CHST15: variants seen among roughly 807,000 people sequenced by gnomAD.
The protein encoded by CHST15 is carbohydrate sulfotransferase 15.
A neutral mutation model predicts 53.6 loss-of-function variants in CHST15; 30 were observed. The observed-to-expected ratio is 0.56, with a 90% confidence interval of 0.42 to 0.76. The LOEUF is 0.76. CHST15 is among the 30% of genes least tolerant of loss of function. The probability of loss-of-function intolerance (pLI) is 0.00; values close to 1 mark genes in which losing one functional copy is unlikely to be tolerated. For missense variants in CHST15, 627 were observed against 740.5 expected (o/e 0.85, Z 1.78); for synonymous variants, 296 against 289.8 (o/e 1.02, Z -0.22).
At chr10:124,016,038 G>A (rs1042331447) in intron 6 of CHST15, among the ~76,000 whole-genome samples, 7 of 152,188 alleles carry the variant, frequency 4.6e-5, no homozygotes, top group Non-Finnish European at 8.8e-5. Flanking sequence ...CTGGCAGAGC[G>A]TTTGCATTTC....
In CHST15 at chr10:124,037,754, GCA is replaced by G; in HGVS notation, c.1190+759_1190+760del. The stretch of plus-strand genomic sequence containing the variant: ...TCTTAAAGCAAAGCTGCTCTGCTCA[GCA>G]TTGTTCTTCCTTTTGGTCTCTCAAG... On this transcript the variant is annotated intron_variant, in intron 5 of 7. Coordinates refer to ENST00000435907, the MANE Select transcript of CHST15 (RefSeq NM_001270764.2). Among the ~76,000 whole-genome samples the G allele has an allele frequency of 1.3e-5, 2 of 151,890 alleles. 1 individual carries two copies. The highest frequency in any genetic ancestry group is 4.1e-4 in the South Asian group (2 of 4,828).
chr10:124,059,743 C>T (rs1948498385), intron 1 of CHST15, among the ~76,000 whole-genome samples: 1 of 152,214 alleles, frequency 6.6e-6, no homozygotes, highest in South Asian at 2.1e-4. Context: ...CAGCTGCACA[C>T]TCCCCACCAG....
rs1039882535 is a variant in CHST15 at position 124,007,849 on chromosome 10, T to C, written c.*2300A>G. On this transcript the variant is annotated 3_prime_UTR_variant, in exon 8 of 8. Transcript: ENST00000435907. Reference sequence around the variant, plus strand: ...AGAACAAAAAGGAACTTCAATACCATGTTGTGAGAAATGCTCCAATTTGCT... The same window carrying C: ...AGAACAAAAAGGAACTTCAATACCACGTTGTGAGAAATGCTCCAATTTGCT... 1.2e-5 allele frequency: 15 copies of C among 1,231,928 alleles called. No individual in the cohort carries two copies. The African/African-American group carries it at 1.9e-4, about 15-fold the overall frequency. The allele number at this position is 1,231,928 out of a possible 1,614,324, so 76.3% of individuals were successfully genotyped here. A position where few individuals can be genotyped will look rare whatever the true frequency, so the allele number is the denominator to read the frequency against.
intron 1 of CHST15, among the ~76,000 whole-genome samples, chr10:124,073,864 G>A (rs1046399501): frequency 1.3e-5 from 2 of 152,098 alleles, no homozygotes; most frequent in African/African-American, 2.4e-5. Context: ...TCAGTCAGAC[G>A]GCTAATGACC....
intron 3 of CHST15, among the ~76,000 whole-genome samples, chr10:124,044,204 G>A (rs1947866660): frequency 1.3e-5 from 2 of 152,146 alleles, no homozygotes; most frequent in African/African-American, 4.8e-5. Context: ...CACAGAGCTG[G>A]GAGCGGCACA....
intron 1 of CHST15, among the ~76,000 whole-genome samples, chr10:124,080,134 G>A (rs574749495): frequency 5.3e-5 from 8 of 152,266 alleles, no homozygotes; most frequent in South Asian, 2.1e-4. Context: ...AGCGAGCATC[G>A]GACAGGTGTT....
At chr10:124,057,832 C>G (rs7913141) in intron 1 of CHST15, among the ~76,000 whole-genome samples, 109,999 of 151,948 alleles carry the variant, frequency 0.72, 40,776 homozygotes, top group African/African-American at 0.89. Flanking sequence ...ATCAGCTCCA[C>G]CTCCCTTGTG....
At chr10:124,042,959 C>T (rs1307428708) in intron 3 of CHST15, among the ~76,000 whole-genome samples, 1 of 152,168 alleles carries the variant, frequency 6.6e-6, no homozygotes, top group Non-Finnish European at 1.5e-5. Flanking sequence ...CTCTCCTCCC[C>T]CTGTTCAATC....
chr10:124,092,813 C>T (rs558633850), intron 1 of CHST15, among the ~76,000 whole-genome samples: 28 of 152,362 alleles, frequency 1.8e-4, no homozygotes, highest in Admixed American at 1.8e-3. Context: ...AAACGACGCG[C>T]GCTCACACCG....
intron 7 of CHST15, chr10:124,011,632 C>T (rs753273819): frequency 3.3e-5 from 33 of 985,328 alleles, no homozygotes; most frequent in African/African-American, 7.0e-5. Flanking sequence ...GCACTCGCTC[C>T]GCCAGCACAT....
rs191267962 is a variant in CHST15 at position 124,046,377 on chromosome 10, G to A, written c.-165C>T. On this transcript the variant is annotated 5_prime_UTR_variant, in exon 2 of 8. Transcript: ENST00000435907. ...AATAAGCAGACACCACAGCACTAGA[G>A]AAAGAGGGTGCACATTCTTTGGTTC... The A allele has an allele frequency of 1.9e-5, 12 of 623,678 alleles. No homozygotes were observed. The East Asian group carries it at 3.4e-4, about 18-fold the overall frequency. The allele number at this position is 623,678 out of a possible 1,614,324, so 38.6% of individuals were successfully genotyped here. A position where few individuals can be genotyped will look rare whatever the true frequency, so the allele number is the denominator to read the frequency against.
intron 6 of CHST15, chr10:124,020,323 C>T (rs185500544): frequency 4.9e-5 from 48 of 985,510 alleles, no homozygotes; most frequent in Admixed American, 6.1e-5. Context: ...ACACCAATGG[C>T]TGGTTCCAAA....
At chr10:124,048,172 G>A (rs1478359545) in intron 1 of CHST15, among the ~76,000 whole-genome samples, 2 of 152,180 alleles carry the variant, frequency 1.3e-5, no homozygotes, top group Non-Finnish European at 2.9e-5. Context: ...GTTGGTGAGT[G>A]TTCTGTGCTT....
intron 1 of CHST15, among the ~76,000 whole-genome samples, chr10:124,073,674 A>G (rs1246061781): frequency 6.6e-6 from 1 of 152,256 alleles, no homozygotes; most frequent in African/African-American, 2.4e-5. Context: ...ACCATTCGAC[A>G]GGCGCATGAA....
intron 1 of CHST15, among the ~76,000 whole-genome samples, chr10:124,048,411 G>A (rs1229078115): frequency 3.3e-5 from 5 of 152,206 alleles, no homozygotes; most frequent in Non-Finnish European, 5.9e-5. Context: ...CAGAGGCGCT[G>A]GGGCGGGGAT....
At chr10:124,023,227 G>A (rs1296581636) in intron 5 of CHST15, among the ~76,000 whole-genome samples, 1 of 152,130 alleles carries the variant, frequency 6.6e-6, no homozygotes, top group Non-Finnish European at 1.5e-5. Flanking sequence ...GCTCATGCCT[G>A]TAATCCCAGC....
chr10:124,067,695 C>T (rs1428638182), intron 1 of CHST15, among the ~76,000 whole-genome samples: 1 of 152,230 alleles, frequency 6.6e-6, no homozygotes, highest in Non-Finnish European at 1.5e-5. Flanking sequence ...CAGCTCACTG[C>T]AACCTCCGCC....
chr10:124,038,766 T>G, intron 4 of CHST15, 95 bp from the exon 5 acceptor site: 1 of 1,341,088 alleles, frequency 7.5e-7, no homozygotes, highest in Non-Finnish European at 1.0e-6. Flanking sequence ...CCCCGATGCC[T>G]TCCTCTTAAG....
intron 7 of CHST15, chr10:124,011,894 G>A (rs1237758766): frequency 1.0e-6 from 1 of 976,754 alleles, no homozygotes; most frequent in African/African-American, 1.8e-5. Flanking sequence ...GCCCCCCGGT[G>A]ACATCCTGTT....
Sources: gnomAD v4.1 joint callset for allele counts (sites outside exome capture counted in the v4.1 genomes callset) on GRCh38, gnomAD v4.1.1 for gene constraint, MANE v1.5 for transcripts, NCBI Gene and HGNC (gene_info 2026-07-23, HGNC 2026-07-21) for gene names.